The following ADAMTS12 variants were observed in gnomAD, a reference collection of about 807,000 sequenced individuals.
ADAMTS12 encodes the protein ADAM metallopeptidase with thrombospondin type 1 motif 12.
Under a neutral mutation model 167.8 loss-of-function variants are expected in ADAMTS12, and 118 were observed. The ratio of observed to expected loss-of-function variants is 0.70; its 90% CI spans 0.61 to 0.82. ADAMTS12 has a LOEUF of 0.82. ADAMTS12 is among the 40% of genes least tolerant of loss of function. The pLI is 0.00. For synonymous variants in ADAMTS12, 704 were observed against 716.9 expected, an observed-to-expected ratio of 0.98 and a Z score of 0.29; for missense variants, 1,916 against 1,998.8, an observed-to-expected ratio of 0.96 and a Z score of 0.79.
intron 3 of ADAMTS12, among the ~76,000 whole-genome samples, chr5:33,702,686 T>G (rs986329568): frequency 2.0e-5 from 3 of 152,198 alleles, no homozygotes; most frequent in African/African-American, 7.2e-5. Flanking sequence ...TCTTTACGAA[T>G]CAACTGTGCA....
At chr5:33,827,003 G>C (rs565944847) in intron 2 of ADAMTS12, among the ~76,000 whole-genome samples, 1 of 150,996 alleles carries the variant, frequency 6.6e-6, no homozygotes, top group Non-Finnish European at 1.5e-5. Flanking sequence ...AATAAGTCAC[G>C]TAATTGTTTC....
At chr5:33,848,617 T>C (rs1232628282) in intron 2 of ADAMTS12, among the ~76,000 whole-genome samples, 2 of 152,222 alleles carry the variant, frequency 1.3e-5, no homozygotes, top group Non-Finnish European at 2.9e-5. Flanking sequence ...CTATCTTTTA[T>C]ACAGGTTACT....
intron 21 of ADAMTS12, among the ~76,000 whole-genome samples, chr5:33,548,946 T>C (rs150991219): frequency 2.0e-5 from 3 of 152,310 alleles, no homozygotes; most frequent in Non-Finnish European, 2.9e-5. Context: ...AGTATATCCA[T>C]TGGGAGACCA....
chr5:33,560,276 A>G (rs1468196762), intron 20 of ADAMTS12, among the ~76,000 whole-genome samples: 1 of 152,122 alleles, frequency 6.6e-6, no homozygotes, highest in Admixed American at 6.5e-5. Context: ...CTGATTTTAT[A>G]AGAGGTAAAA....
intron 2 of ADAMTS12, among the ~76,000 whole-genome samples, chr5:33,872,793 A>G (rs1445695861): frequency 1.3e-5 from 2 of 152,190 alleles, no homozygotes; most frequent in Non-Finnish European, 2.9e-5. Context: ...CTAGTTCAAC[A>G]TTCAAAAATT....
intron 2 of ADAMTS12, among the ~76,000 whole-genome samples, chr5:33,844,235 C>A (rs1474258756): frequency 6.6e-6 from 1 of 152,028 alleles, no homozygotes; most frequent in Non-Finnish European, 1.5e-5. Context: ...ATCTGGGCAC[C>A]TTGAAAAAAG....
chr5:33,792,142 C>A (rs1188589237), intron 2 of ADAMTS12, among the ~76,000 whole-genome samples: 1 of 151,914 alleles, frequency 6.6e-6, no homozygotes, highest in Non-Finnish European at 1.5e-5. Flanking sequence ...GGATTACAGG[C>A]GCCCACCACC....
At position 33,554,242 on chromosome 5, in the gene ADAMTS12, CAG is replaced by C. The variant is rs527792754; in HGVS notation, c.4126-4861_4126-4860del. Among the ~76,000 whole-genome samples the C allele has an allele frequency of 6.6e-5, 10 of 152,212 alleles. No homozygotes were observed. In the East Asian group the frequency reaches 1.9e-3, roughly 29 times the overall value. ...TTTGAAGTGGAGGTAATGGCATGCA[CAG>C]AGACTGTGAACCCACATGGCTTGTC... On this transcript the variant is annotated intron_variant, in intron 20 of 23. Coordinates refer to ENST00000504830, the MANE Select transcript of ADAMTS12 (RefSeq NM_030955.4).
intron 19 of ADAMTS12, among the ~76,000 whole-genome samples, chr5:33,573,371 A>T (rs1322594676): frequency 6.6e-6 from 1 of 152,266 alleles, no homozygotes; most frequent in Non-Finnish European, 1.5e-5. Context: ...TACAGTAATC[A>T]AAACAGCATG....
chr5:33,746,052 C>A (rs1316477949), intron 3 of ADAMTS12, among the ~76,000 whole-genome samples: 2 of 152,034 alleles, frequency 1.3e-5, no homozygotes, highest in Admixed American at 1.3e-4. Context: ...AAATAAAAAA[C>A]AAATATAGAG....
chr5:33,858,596 T>G (rs1004562638), intron 2 of ADAMTS12, among the ~76,000 whole-genome samples: 1 of 148,334 alleles, frequency 6.7e-6, no homozygotes, highest in Admixed American at 6.8e-5. Context: ...AGGTTTAGGC[T>G]GCAGTGAGCC....
Position 33,592,697 on chromosome 5 carries a change from AT to A in ADAMTS12, c.2654+3236del, listed in dbSNP as rs1439046748. 2.6e-5 allele frequency among the ~76,000 whole-genome samples: 4 copies of A among 152,208 alleles called. No homozygotes were observed. The South Asian group carries it at 6.2e-4, about 24-fold the overall frequency. ...AAAGTTTTTATTAAATCTTAAAAAAATCTCTCTCAAATACTCCTTTGGGGAA... is the reference window on the plus strand; with the variant it reads ...AAAGTTTTTATTAAATCTTAAAAAAACTCTCTCAAATACTCCTTTGGGGAA... On this transcript the variant is annotated intron_variant, in intron 17 of 23. Coordinates refer to ENST00000504830, the MANE Select transcript of ADAMTS12 (RefSeq NM_030955.4).
At chr5:33,579,509 T>C (rs1296669161) in intron 18 of ADAMTS12, among the ~76,000 whole-genome samples, 1 of 152,212 alleles carries the variant, frequency 6.6e-6, no homozygotes, top group East Asian at 1.9e-4. Flanking sequence ...ATGTTGCTAA[T>C]ATCTCTAAAG....
chr5:33,864,260 C>A (rs527290212), intron 2 of ADAMTS12, among the ~76,000 whole-genome samples: 15 of 152,270 alleles, frequency 9.9e-5, no homozygotes, highest in African/African-American at 3.1e-4. Flanking sequence ...CTAGTCATTA[C>A]AGAAATGCAA....
chr5:33,527,127 C>T lies in ADAMTS12; in HGVS notation c.*61G>A. The T allele has an allele frequency of 1.9e-6, 3 of 1,593,338 alleles. No homozygotes were observed. Among genetic ancestry groups the T allele is most frequent in the Non-Finnish European group, 2.6e-6 (3 of 1,165,114 alleles). Reference sequence around the variant, plus strand: ...AACCTCAACGAAGCAGCTCCCAGGGCTAAAGCATGTCATGGTCAGCAGGCT... The same window carrying T: ...AACCTCAACGAAGCAGCTCCCAGGGTTAAAGCATGTCATGGTCAGCAGGCT... On this transcript the variant is annotated 3_prime_UTR_variant, in exon 24 of 24. Transcript: ENST00000504830.
intron 2 of ADAMTS12, among the ~76,000 whole-genome samples, chr5:33,836,025 C>T (rs1349955948): frequency 1.3e-5 from 2 of 151,002 alleles, no homozygotes; most frequent in Non-Finnish European, 2.9e-5. Flanking sequence ...AACATATGCT[C>T]CAGAAGCTCA....
intron 7 of ADAMTS12, among the ~76,000 whole-genome samples, chr5:33,654,176 T>G (rs1740960751): frequency 6.6e-6 from 1 of 152,212 alleles, no homozygotes. Context: ...GTCTTTTATT[T>G]CTTAGCTGAC....
chr5:33,835,452 C>T (rs1748469928), intron 2 of ADAMTS12, among the ~76,000 whole-genome samples: 1 of 152,182 alleles, frequency 6.6e-6, no homozygotes, highest in African/African-American at 2.4e-5. Flanking sequence ...AACTTGGTAG[C>T]TTATAAATAA....
At chr5:33,667,317 CAAAAAAA>C (rs5867201) in intron 5 of ADAMTS12, among the ~76,000 whole-genome samples, 5 of 78,390 alleles carry the variant, frequency 6.4e-5, no homozygotes, top group Non-Finnish European at 2.4e-5. Context: ...GACTCTGTCT[CAAAAAAA>C]AAAAAAAAAA....
Sources: gnomAD v4.1 joint callset for allele counts (sites outside exome capture counted in the v4.1 genomes callset) on GRCh38, gnomAD v4.1.1 for gene constraint, MANE v1.5 for transcripts, NCBI Gene and HGNC (gene_info 2026-07-23, HGNC 2026-07-21) for gene names.